WWC2: variants seen among roughly 807,000 people sequenced by gnomAD.
WWC2 encodes the protein WW and C2 domain containing 2, also known as protein WWC2.
In WWC2, 101 loss-of-function variants were observed where a neutral mutation model predicts 138.5. That is an observed-to-expected ratio of 0.73 (90% CI 0.62 to 0.86). The LOEUF (loss-of-function observed/expected upper bound fraction) is 0.86. Ranked by LOEUF, WWC2 falls within the 40% of genes least tolerant of loss-of-function variation. WWC2 has a pLI of 0.00. For synonymous variants in WWC2, 558 were observed against 538.4 expected (o/e 1.04, Z -0.50); for missense variants, 1,420 against 1,419.4 (o/e 1.00, Z -0.01).
chr4:183,150,365 G>A (rs1339346715), intron 1 of WWC2, among the ~76,000 whole-genome samples: 1 of 152,114 alleles, frequency 6.6e-6, no homozygotes, highest in Non-Finnish European at 1.5e-5. Flanking sequence ...CAGAGGCCAA[G>A]TTCATAGATT....
At chr4:183,288,950 G>A (rs1389133123) in intron 20 of WWC2, among the ~76,000 whole-genome samples, 1 of 152,204 alleles carries the variant, frequency 6.6e-6, no homozygotes, top group African/African-American at 2.4e-5. Context: ...TACACTAGGC[G>A]GGCTTCATGC....
chr4:183,303,060 C>CA (rs35439586), intron 21 of WWC2, among the ~76,000 whole-genome samples: 8,970 of 82,030 alleles, frequency 0.11, 596 homozygotes, highest in Non-Finnish European at 0.15. Context: ...GACTCCATCT[C>CA]AAAAAAAAAA....
chr4:183,248,882 G>GT, intron 7 of WWC2, 22 bp downstream of exon 7: 1 of 1,557,768 alleles, frequency 6.4e-7, no homozygotes, highest in Non-Finnish European at 8.7e-7. Context: ...GTGCTGAAGA[G>GT]TTGGCCCAGT....
chr4:183,228,302 T>C (rs901296473), intron 4 of WWC2, among the ~76,000 whole-genome samples: 1 of 152,038 alleles, frequency 6.6e-6, no homozygotes, highest in Non-Finnish European at 1.5e-5. Flanking sequence ...AAGCAAAAAT[T>C]GGCAGAAAAT....
chr4:183,113,558 C>A (rs1385980104), intron 1 of WWC2, among the ~76,000 whole-genome samples: 2 of 151,136 alleles, frequency 1.3e-5, no homozygotes, highest in Non-Finnish European at 2.9e-5. Flanking sequence ...GCAAGATGAT[C>A]TTACTCATTT....
intron 15 of WWC2, 166 bp downstream of exon 15, chr4:183,269,329 G>C (rs1330249058): frequency 2.6e-6 from 2 of 755,606 alleles, no homozygotes; most frequent in African/African-American, 3.5e-5. Context: ...AGTGGTTTCT[G>C]TTTATTCTCT....
chr4:183,117,948 G>C (rs922600359), intron 1 of WWC2, among the ~76,000 whole-genome samples: 2 of 150,884 alleles, frequency 1.3e-5, no homozygotes, highest in Non-Finnish European at 1.5e-5. Flanking sequence ...CTATAGGCTC[G>C]TGCCACCATG....
At chr4:183,264,076 C>T (rs1316840457) in intron 11 of WWC2, among the ~76,000 whole-genome samples, 2 of 152,188 alleles carry the variant, frequency 1.3e-5, no homozygotes, top group Non-Finnish European at 2.9e-5. Flanking sequence ...CACCTTCACC[C>T]TTCACAAAGG....
At position 183,283,048 on chromosome 4, in the gene WWC2, A is replaced by G. The variant is rs950691649; in HGVS notation, c.2883+142A>G. ...CTGATCGTGAAAGGCATATGTGGGAATAGGCTCTAAGAAGCATCATAAATG... is the reference window on the plus strand; with the variant it reads ...CTGATCGTGAAAGGCATATGTGGGAGTAGGCTCTAAGAAGCATCATAAATG... On this transcript the variant is annotated intron_variant, in intron 18 of 22. Coordinates refer to ENST00000403733, the MANE Select transcript of WWC2 (RefSeq NM_024949.6). 12 of 793,096 alleles carry G rather than the reference A, an allele frequency of 1.5e-5. No homozygotes were observed. In the South Asian group the frequency reaches 2.8e-4, roughly 19 times the overall value. 49.1% of individuals were successfully genotyped at this position (793,096 alleles called of 1,614,324 possible).
chr4:183,111,546 A>T (rs1173378631), intron 1 of WWC2, among the ~76,000 whole-genome samples: 1 of 152,054 alleles, frequency 6.6e-6, no homozygotes, highest in African/African-American at 2.4e-5. Context: ...TGCTTTGTAC[A>T]TAGTATCACT....
chr4:183,183,789 AAAAG>A (rs1734713822), intron 1 of WWC2, among the ~76,000 whole-genome samples: 1 of 152,334 alleles, frequency 6.6e-6, no homozygotes, highest in South Asian at 2.1e-4. Context: ...TCTCAAAAAA[AAAAG>A]AAAAAAGGCA....
chr4:183,100,663 A>C (rs986043871), intron 1 of WWC2, among the ~76,000 whole-genome samples: 4 of 152,162 alleles, frequency 2.6e-5, no homozygotes. Flanking sequence ...CCTTTTCTCA[A>C]TTTGAAGCTG....
intron 2 of WWC2, among the ~76,000 whole-genome samples, chr4:183,202,957 C>G (rs558961055): frequency 2.0e-5 from 3 of 152,218 alleles, no homozygotes; most frequent in East Asian, 3.9e-4. Context: ...TCCAAACAGC[C>G]CCCTGAATTA....
intron 14 of WWC2, among the ~76,000 whole-genome samples, chr4:183,267,410 C>T (rs969194903): frequency 1.3e-5 from 2 of 152,156 alleles, no homozygotes; most frequent in Non-Finnish European, 2.9e-5. Flanking sequence ...GTGACTTCTC[C>T]CTACCAGTAG....
chr4:183,215,448 G>GA (rs138914466), intron 4 of WWC2, among the ~76,000 whole-genome samples: 15 of 144,612 alleles, frequency 1.0e-4, no homozygotes, highest in South Asian at 2.2e-4. Flanking sequence ...ACATTCGCAA[G>GA]AAAAAAAAAA....
At chr4:183,184,359 A>G (rs1162941095) in intron 1 of WWC2, among the ~76,000 whole-genome samples, 2 of 152,022 alleles carry the variant, frequency 1.3e-5, no homozygotes, top group Non-Finnish European at 1.5e-5. Context: ...ATATACCACA[A>G]TTTTTTTATC....
At chr4:183,119,763 T>G (rs1400954938) in intron 1 of WWC2, among the ~76,000 whole-genome samples, 1 of 152,226 alleles carries the variant, frequency 6.6e-6, no homozygotes. Context: ...GAGCACGTAG[T>G]ATATTGGAGA....
At chr4:183,237,973 C>T (rs1736482738) in intron 4 of WWC2, among the ~76,000 whole-genome samples, 1 of 152,124 alleles carries the variant, frequency 6.6e-6, no homozygotes, top group Non-Finnish European at 1.5e-5. Flanking sequence ...CTCGAACACT[C>T]TTCTCTTTTC....
intron 5 of WWC2, among the ~76,000 whole-genome samples, chr4:183,242,188 A>G (rs1341515572): frequency 1.3e-5 from 2 of 152,188 alleles, no homozygotes; most frequent in African/African-American, 2.4e-5. Context: ...CCACCATACT[A>G]CTAAAACACT....
Sources: allele counts gnomAD v4.1 joint callset (sites outside exome capture counted in the v4.1 genomes callset), GRCh38; gene constraint gnomAD v4.1.1; transcripts MANE v1.5; gene names NCBI Gene and HGNC (gene_info 2026-07-23, HGNC 2026-07-21).